PHOSPHO1: variants seen among roughly 807,000 people sequenced by gnomAD.
PHOSPHO1 encodes the protein phosphoethanolamine/phosphocholine phosphatase.
Under a neutral mutation model 17.7 loss-of-function variants are expected in PHOSPHO1, and 6 were observed. The ratio of observed to expected loss-of-function variants is 0.34; its 90% CI spans 0.19 to 0.67. The LOEUF is 0.67. Among genes scored for constraint, PHOSPHO1 ranks in the 30% least tolerant of loss-of-function variants. The probability of loss-of-function intolerance (pLI) is 0.69; values close to 1 mark genes in which losing one functional copy is unlikely to be tolerated. For synonymous variants in PHOSPHO1, 159 were observed against 174.6 expected (o/e 0.91, Z 0.71); for missense variants, 330 against 392.1 (o/e 0.84, Z 1.34).
rs1364495454 is a variant in PHOSPHO1 at position 49,228,295 on chromosome 17, T to C, written c.-67-1537A>G. On this transcript the variant is annotated intron_variant, in intron 1 of 2. Transcript: ENST00000310544. ...TTCCTTCCTTCCTTCCTTCCTTCCTTCCTCCTTCCTTCCTTCCTTCCTTCC... is the reference window on the plus strand; with the variant it reads ...TTCCTTCCTTCCTTCCTTCCTTCCTCCCTCCTTCCTTCCTTCCTTCCTTCC... 4.6e-3 allele frequency among the ~76,000 whole-genome samples: 294 copies of C among 64,304 alleles called. 1 individual carries two copies. The highest frequency in any genetic ancestry group is 0.015 in the African/African-American group (264 of 17,088). 42.2% of individuals were successfully genotyped at this position (64,304 alleles called of 152,430 possible).
intron 2 of PHOSPHO1, chr17:49,225,633 A>G: frequency 7.7e-7 from 1 of 1,291,864 alleles, no homozygotes; most frequent in Non-Finnish European, 1.0e-6. Flanking sequence ...CCCTGTGCTG[A>G]CAGCTCATCA....
intron 1 of PHOSPHO1, among the ~76,000 whole-genome samples, chr17:49,228,820 T>C (rs914997057): frequency 7.1e-6 from 1 of 140,158 alleles, no homozygotes; most frequent in Non-Finnish European, 1.5e-5. Context: ...ATTAGCTGGG[T>C]ATGGTAGCTT....
At chr17:49,225,349 A>G in intron 2 of PHOSPHO1, 1 of 985,384 alleles carries the variant, frequency 1.0e-6, no homozygotes, top group Non-Finnish European at 1.2e-6. Context: ...AAGGATCACC[A>G]CTTTGGGGAG....
In PHOSPHO1 at chr17:49,224,073, T is replaced by C. The variant is rs1227450940; in HGVS notation, c.*173A>G. The C allele has an allele frequency of 5.1e-6, 5 of 987,102 alleles. No individual in the cohort carries two copies. The highest frequency in any genetic ancestry group is 5.7e-6 in the Non-Finnish European group (4 of 695,914). 61.1% of individuals were successfully genotyped at this position (987,102 alleles called of 1,614,324 possible). A position where few individuals can be genotyped will look rare whatever the true frequency, so the allele number is the denominator to read the frequency against. ...AGCCGAGGTGGGTTAACTGAATAGA[T>C]AGGGACGGCTCTGAGCCCCCTTCCC... is the stretch of plus-strand genomic sequence containing the variant. On this transcript the variant is annotated 3_prime_UTR_variant, in exon 3 of 3. Coordinates refer to ENST00000310544, the MANE Select transcript of PHOSPHO1 (RefSeq NM_178500.4).
intron 2 of PHOSPHO1, 194 bp from the exon 3 acceptor site, chr17:49,225,198 T>C (rs1300444132): frequency 1.3e-5 from 18 of 1,426,136 alleles, no homozygotes; most frequent in Non-Finnish European, 1.6e-5. Flanking sequence ...ATCCCCAGCC[T>C]TCCCTGACTA....
Position 49,226,867 on chromosome 17 carries a change from AG to A in PHOSPHO1, c.-67-110del, listed in dbSNP as rs2043363072. ...CTGCTGAGCTACAGGAGGCATTCCC[AG>A]GGTCTTAGCAAAAACAACCCCTCAA... On this transcript the variant is annotated intron_variant, in intron 1 of 2. Transcript: ENST00000310544. 3 of 672,732 alleles carry A rather than the reference AG, an allele frequency of 4.5e-6. No homozygotes were observed. The African/African-American group carries it at 5.4e-5, about 12-fold the overall frequency. 41.7% of individuals were successfully genotyped at this position (672,732 alleles called of 1,614,324 possible). A position where few individuals can be genotyped will look rare whatever the true frequency, so the allele number is the denominator to read the frequency against.
intron 1 of PHOSPHO1, among the ~76,000 whole-genome samples, chr17:49,229,821 C>T (rs1289407888): frequency 6.6e-6 from 1 of 152,196 alleles, no homozygotes; most frequent in African/African-American, 2.4e-5. Context: ...ATAGGAAAAA[C>T]AGAGGCCCAG....
At chr17:49,228,246 C>CTCCTTCCT (rs59056166) in intron 1 of PHOSPHO1, among the ~76,000 whole-genome samples, 43 of 134,864 alleles carry the variant, frequency 3.2e-4, no homozygotes, top group East Asian at 6.7e-4. Flanking sequence ...TCCTGTCTCT[C>CTCCTTCCT]TCCTTCCTTC....
intron 1 of PHOSPHO1, among the ~76,000 whole-genome samples, chr17:49,229,519 G>A (rs1303450422): frequency 1.3e-5 from 2 of 152,102 alleles, no homozygotes; most frequent in Non-Finnish European, 2.9e-5. Context: ...GGGTGGGAGG[G>A]AAACAGGCCC....
intron 2 of PHOSPHO1, chr17:49,225,744 A>G: frequency 3.9e-6 from 5 of 1,282,834 alleles, no homozygotes; most frequent in Non-Finnish European, 5.1e-6. Context: ...GGGCTTGGGG[A>G]GGTAAGAGCC....
At chr17:49,229,282 A>G (rs1160606017) in intron 1 of PHOSPHO1, 3 of 152,142 alleles carry the variant, frequency 2.0e-5, no homozygotes, top group Admixed American at 2.0e-4. Flanking sequence ...TGAGTCATCA[A>G]ATCCTTTTGT....
At chr17:49,227,518 C>G (rs751178676) in intron 1 of PHOSPHO1, among the ~76,000 whole-genome samples, 5 of 152,246 alleles carry the variant, frequency 3.3e-5, no homozygotes, top group African/African-American at 4.8e-5. Flanking sequence ...TTGAATGAGA[C>G]CAGAAGCAGC....
intron 1 of PHOSPHO1, among the ~76,000 whole-genome samples, chr17:49,229,734 A>G (rs2043394303): frequency 6.6e-6 from 1 of 152,190 alleles, no homozygotes; most frequent in South Asian, 2.1e-4. Context: ...CCAACAACTA[A>G]GCTAGAATTC....
Position 49,224,059 on chromosome 17 carries a change from G to T in PHOSPHO1, c.*187C>A. 1 of 879,864 alleles carries T rather than the reference G, an allele frequency of 1.1e-6. No individual in the cohort carries two copies. The highest frequency in any genetic ancestry group is 1.7e-6 in the Non-Finnish European group (1 of 603,554). The allele number at this position is 879,864 out of a possible 1,614,324, so 54.5% of individuals were successfully genotyped here. Reference sequence around the variant, plus strand: ...GGAGTGGGGGAGGCAGCCGAGGTGGGTTAACTGAATAGATAGGGACGGCTC... The same window carrying T: ...GGAGTGGGGGAGGCAGCCGAGGTGGTTTAACTGAATAGATAGGGACGGCTC... On this transcript the variant is annotated 3_prime_UTR_variant, in exon 3 of 3. Transcript: ENST00000310544.
At chr17:49,225,797 G>T (rs908177513) in intron 2 of PHOSPHO1, 22 of 1,238,964 alleles carry the variant, frequency 1.8e-5, no homozygotes, top group East Asian at 5.9e-5. Context: ...AGGTAAGGGA[G>T]AAGAGAAGAG....
chr17:49,225,080 C>A (rs1406100480), intron 2 of PHOSPHO1, 76 bp from the exon 3 acceptor site: 14 of 1,444,336 alleles, frequency 9.7e-6, no homozygotes, highest in Non-Finnish European at 1.1e-5. Context: ...GGAGCCCGCC[C>A]GGGAGAGGCT....
intron 1 of PHOSPHO1, among the ~76,000 whole-genome samples, chr17:49,227,164 A>C (rs1475112744): frequency 2.0e-5 from 3 of 152,234 alleles, no homozygotes; most frequent in Admixed American, 2.0e-4. Flanking sequence ...GAGGTTAACT[A>C]ACCAGCCACG....
Position 49,224,086 on chromosome 17 carries a change from G to A in PHOSPHO1, c.*160C>T, listed in dbSNP as rs2043322194. The A allele has an allele frequency of 3.6e-6, 4 of 1,117,032 alleles. No individual in the cohort carries two copies. Among genetic ancestry groups the A allele is most frequent in the East Asian group, 2.6e-5 (1 of 38,270 alleles). The allele number at this position is 1,117,032 out of a possible 1,614,324, so 69.2% of individuals were successfully genotyped here. A position where few individuals can be genotyped will look rare whatever the true frequency, so the allele number is the denominator to read the frequency against. On this transcript the variant is annotated 3_prime_UTR_variant, in exon 3 of 3. Transcript: ENST00000310544. ...TAACTGAATAGATAGGGACGGCTCT[G>A]AGCCCCCTTCCCCAAGCCCCCAAAT...
chr17:49,224,959 AGG>A lies in PHOSPHO1; in HGVS notation c.89_90del (p.Thr30IlefsTer314). The A allele has an allele frequency of 3.2e-6, 5 of 1,573,558 alleles. No individual in the cohort carries two copies. The highest frequency in any genetic ancestry group is 4.3e-6 in the Non-Finnish European group (5 of 1,159,860). ...AAQGAPRFLL[T>X]FDFDETIVDE... is the part of the protein sequence containing the mutation. ...TCCACGATAGTCTCGTCGAAGTCGAAGGTCAGGAGGAAGCGCGGCGCGCCCTG... is the reference window on the plus strand; with the variant it reads ...TCCACGATAGTCTCGTCGAAGTCGAATCAGGAGGAAGCGCGGCGCGCCCTG... On this transcript the variant is annotated frameshift_variant, in exon 3 of 3. Coordinates refer to ENST00000310544, the MANE Select transcript of PHOSPHO1 (RefSeq NM_178500.4). LOFTEE classifies it high-confidence loss of function.
Sources: gnomAD v4.1 joint callset for allele counts (sites outside exome capture counted in the v4.1 genomes callset) on GRCh38, gnomAD v4.1.1 for gene constraint, MANE v1.5 for transcripts, NCBI Gene and HGNC (gene_info 2026-07-23, HGNC 2026-07-21) for gene names.